PCDHGA3: variants seen among roughly 807,000 people sequenced by gnomAD.
The protein encoded by PCDHGA3 is protocadherin gamma-A3.
PCDHGA3 carries 40 observed loss-of-function variants against 58.5 expected under a neutral mutation model. The observed-to-expected ratio is 0.68, with a 90% CI of 0.53 to 0.89. PCDHGA3 has a LOEUF of 0.89. Ranked by LOEUF, PCDHGA3 falls within the 40% of genes least tolerant of loss-of-function variation. PCDHGA3 has a pLI of 0.00. For synonymous variants in PCDHGA3, 530 were observed against 525.7 expected, an observed-to-expected ratio of 1.01 and a Z score of -0.11; for missense variants, 1,223 against 1,195.9, an observed-to-expected ratio of 1.02 and a Z score of -0.33.
At chr5:141,421,444 A>T in intron 1 of PCDHGA3, 1 of 1,614,020 alleles carries the variant, frequency 6.2e-7, no homozygotes, top group Non-Finnish European at 8.5e-7. Flanking sequence ...CAGAGGGAAG[A>T]CACAGCTTTT....
chr5:141,427,704 G>C (rs2097059746), intron 1 of PCDHGA3: 2 of 966,116 alleles, frequency 2.1e-6, no homozygotes, highest in Non-Finnish European at 3.2e-6. Context: ...ACAAGTCAGC[G>C]CCTCTGACCT....
At position 141,383,079 on chromosome 5, in the gene PCDHGA3, G is replaced by A. The variant is rs770794066; in HGVS notation, c.2424+36622G>A. 4 of 1,613,906 alleles carry A rather than the reference G, an allele frequency of 2.5e-6. No individual in the cohort carries two copies. In the South Asian group the frequency reaches 4.4e-5, roughly 18 times the overall value. ...TGGGGCTGGAGCCCCGGGAGCTGGC[G>A]GAGCGCGGAGTCCGCATCATCTCCA... is the stretch of plus-strand genomic sequence containing the variant. On this transcript the variant is annotated intron_variant, in intron 1 of 3. Transcript: ENST00000253812.
In PCDHGA3 at chr5:141,490,963, G is replaced by GC; in HGVS notation, c.2425-3838dup. 6.2e-7 allele frequency: 1 copy of GC among 1,613,760 alleles called. No individual in the cohort carries two copies. On this transcript the variant is annotated intron_variant, in intron 1 of 3. Transcript: ENST00000253812. This position sits in a 1 kb window ranked among gnomAD's most constrained non-coding sequence, Gnocchi z 5.4. ...CCCACGGCCAGACTGGGAACACTCA[G>GC]CCCCCCAGCGTCTCCCTCGCTCTGC...
chr5:141,492,691 C>G (rs2099743102), intron 1 of PCDHGA3, among the ~76,000 whole-genome samples: 1 of 152,274 alleles, frequency 6.6e-6, no homozygotes, highest in South Asian at 2.1e-4. Flanking sequence ...TCGGCGACCC[C>G]TCAACCCAGA....
At chr5:141,361,295 T>C in intron 1 of PCDHGA3, 1 of 1,613,990 alleles carries the variant, frequency 6.2e-7, no homozygotes, top group Non-Finnish European at 8.5e-7. Context: ...TGCCAAGTGT[T>C]GGGAAATGCC....
At chr5:141,426,933 G>A (rs1294433096) in intron 1 of PCDHGA3, 1 of 456,660 alleles carries the variant, frequency 2.2e-6, no homozygotes, top group Non-Finnish European at 4.4e-6. Context: ...GGACATGGGT[G>A]ACCCAGTCCC....
In PCDHGA3 at chr5:141,476,016, G is replaced by C; in HGVS notation, c.2425-18791G>C. On this transcript the variant is annotated intron_variant, in intron 1 of 3. Transcript: ENST00000253812. This position sits in a 1 kb window ranked among gnomAD's most constrained non-coding sequence, Gnocchi z 7.6. ...TCAACGGCATCCAGAAAGCCATGTC[G>C]GACTCGGCGCCCAGCGCCCAAGCGC... 1 of 1,359,386 alleles carries C rather than the reference G, an allele frequency of 7.4e-7. No homozygotes were observed. The highest frequency in any genetic ancestry group is 2.3e-5 in the East Asian group (1 of 43,300). 84.2% of individuals were successfully genotyped at this position (1,359,386 alleles called of 1,614,324 possible).
In PCDHGA3 at chr5:141,491,632, C is replaced by T; in HGVS notation, c.2425-3175C>T. On this transcript the variant is annotated intron_variant, in intron 1 of 3. Transcript: ENST00000253812. This position sits in a 1 kb window ranked among gnomAD's most constrained non-coding sequence, Gnocchi z 6.9. ...TCTAAGACCCCTCAGCGTTCAGCAG[C>T]CCACAGCTCTGGCGCTGGAGCCTGA... 1.2e-6 allele frequency: 2 copies of T among 1,613,886 alleles called. No individual in the cohort carries two copies. The highest frequency in any genetic ancestry group is 1.7e-6 in the Non-Finnish European group (2 of 1,179,994).
chr5:141,345,604 AATT>A lies in PCDHGA3; in HGVS notation c.1572_1574del (p.Gln524_Phe525delinsHis). 1 of 1,614,156 alleles carries A rather than the reference AATT, an allele frequency of 6.2e-7. No individual in the cohort carries two copies. Among genetic ancestry groups the A allele is most frequent in the Non-Finnish European group, 8.5e-7 (1 of 1,180,020 alleles). On this transcript the variant is annotated inframe_deletion, in exon 1 of 4. Coordinates refer to ENST00000253812, the MANE Select transcript of PCDHGA3 (RefSeq NM_018916.4). ...GCGCTGAGATCCTTCGACTACGAGC[AATT>A]TAGAGACTTAAAGCTACTGGTGACA...
At position 141,344,705 on chromosome 5, in the gene PCDHGA3, C is replaced by A. The variant is rs1183947419; in HGVS notation, c.672C>A (p.Gly224=). ...ASDGGDPVHS[G]NLHIQVIVLD... ...ATGGTGGCGACCCTGTCCACTCTGG[C>A]AACTTGCACATCCAAGTGATAGTCC... Residue 224 remains glycine, a synonymous_variant, in exon 1 of 4, where the codon GGC becomes GGA. Transcript: ENST00000253812. 16 of 1,613,878 alleles carry A rather than the reference C, an allele frequency of 9.9e-6. No individual in the cohort carries two copies. Among genetic ancestry groups the A allele is most frequent in the Non-Finnish European group, 1.4e-5 (16 of 1,179,906 alleles).
intron 1 of PCDHGA3, among the ~76,000 whole-genome samples, chr5:141,480,768 A>G (rs1371582817): frequency 6.6e-6 from 1 of 152,162 alleles, no homozygotes; most frequent in African/African-American, 2.4e-5. Flanking sequence ...TCCCCACTTG[A>G]TCCTAATGTG....
intron 1 of PCDHGA3, chr5:141,399,976 C>A (rs759278103): frequency 1.2e-6 from 2 of 1,612,122 alleles, no homozygotes; most frequent in African/African-American, 2.7e-5. Context: ...CAGCCTGGGG[C>A]TGCGCACAGG....
intron 1 of PCDHGA3, chr5:141,350,504 T>A: frequency 6.2e-7 from 1 of 1,613,996 alleles, no homozygotes; most frequent in Non-Finnish European, 8.5e-7. Flanking sequence ...CGGGGATTTG[T>A]TAGTGAACGG....
chr5:141,394,864 C>G lies in PCDHGA3; in HGVS notation c.2424+48407C>G. Reference sequence around the variant, plus strand: ...GGCAGTCTGAAGCCTTCGGTCGACCCGAACGATTCGAGCCTTACACTCTAT... The same window carrying G: ...GGCAGTCTGAAGCCTTCGGTCGACCGGAACGATTCGAGCCTTACACTCTAT... On this transcript the variant is annotated intron_variant, in intron 1 of 3. Coordinates refer to ENST00000253812, the MANE Select transcript of PCDHGA3 (RefSeq NM_018916.4). The G allele has an allele frequency of 1.2e-6, 2 of 1,613,780 alleles. No individual in the cohort carries two copies. The highest frequency in any genetic ancestry group is 1.7e-6 in the Non-Finnish European group (2 of 1,179,900).
chr5:141,477,551 C>A lies in PCDHGA3; in HGVS notation c.2425-17256C>A. The A allele has an allele frequency of 6.2e-7, 1 of 1,614,178 alleles. No homozygotes were observed. The highest frequency in any genetic ancestry group is 1.3e-5 in the African/African-American group (1 of 75,032). ...CCTCCCCGGGGCTCCAATACTAAAC[C>A]TAAGTGTCTGGGACCCCGACGCCCC... is the stretch of plus-strand genomic sequence containing the variant. On this transcript the variant is annotated intron_variant, in intron 1 of 3. Transcript: ENST00000253812. The surrounding 1 kb of genome is among the most constrained non-coding windows in gnomAD (Gnocchi z 4.9).
intron 1 of PCDHGA3, chr5:141,392,498 AT>A (rs201401101): frequency 3.1e-4 from 68 of 217,634 alleles, no homozygotes; most frequent in African/African-American, 9.8e-4. Context: ...TAAGCAAATG[AT>A]TTTTTTTTCT....
Position 141,464,048 on chromosome 5 carries a change from T to G in PCDHGA3, c.2425-30759T>G, listed in dbSNP as rs377735829. Reference sequence around the variant, plus strand: ...GGGAGGCCAAGGCGGGTGGATCACCTGAGGTCAGGAGTTCAAGGCCAGCCT... The same window carrying G: ...GGGAGGCCAAGGCGGGTGGATCACCGGAGGTCAGGAGTTCAAGGCCAGCCT... On this transcript the variant is annotated intron_variant, in intron 1 of 3. Transcript: ENST00000253812. 1.2e-4 allele frequency among the ~76,000 whole-genome samples: 18 copies of G among 152,260 alleles called. No individual in the cohort carries two copies. In the East Asian group the frequency reaches 3.5e-3, roughly 29 times the overall value.
Position 141,375,441 on chromosome 5 carries a change from C to T in PCDHGA3, c.2424+28984C>T, listed in dbSNP as rs904228732. 4.3e-6 allele frequency: 7 copies of T among 1,613,912 alleles called. No individual in the cohort carries two copies. The highest frequency in any genetic ancestry group is 1.7e-5 in the Admixed American group (1 of 60,012). ...ACCAACGACAACCCGCCCACCTTCC[C>T]CCATTCATCCTACTCAGTCTATGTC... is the stretch of plus-strand genomic sequence containing the variant. On this transcript the variant is annotated intron_variant, in intron 1 of 3. Transcript: ENST00000253812.
intron 1 of PCDHGA3, chr5:141,405,407 CTT>C (rs762612492): frequency 6.3e-7 from 1 of 1,581,924 alleles, no homozygotes; most frequent in African/African-American, 1.4e-5. Flanking sequence ...TCTTTCTTTT[CTT>C]TTTTTGTTTT....
Sources: gnomAD v4.1 joint callset for allele counts (sites outside exome capture counted in the v4.1 genomes callset) on GRCh38, gnomAD v4.1.1 for gene constraint, Gnocchi (gnomAD v3.1) non-coding constraint, MANE v1.5 for transcripts, NCBI Gene and HGNC (gene_info 2026-07-23, HGNC 2026-07-21) for gene names.